GPHN: variants seen among roughly 807,000 people sequenced by gnomAD.
The protein encoded by GPHN is gephyrin.
In GPHN, 17 loss-of-function variants were observed where a neutral mutation model predicts 95.5. The ratio of observed to expected loss-of-function variants is 0.18; its 90% CI spans 0.12 to 0.27. The LOEUF (loss-of-function observed/expected upper bound fraction) is 0.27, where lower values mean the gene tolerates loss of function less well. Ranked by LOEUF, GPHN falls within the 10% of genes least tolerant of loss-of-function variation. The pLI, the probability that GPHN is intolerant of heterozygous loss-of-function variation, is 1.00. For synonymous variants in GPHN, 320 were observed against 322.5 expected, an observed-to-expected ratio of 0.99 and a Z score of 0.08; for missense variants, 660 against 978.1, an observed-to-expected ratio of 0.67 and a Z score of 4.34.
the GPHN span, among the ~76,000 whole-genome samples, chr14:67,230,504 C>G: frequency 6.6e-6 from 1 of 151,788 alleles, no homozygotes; most frequent in Non-Finnish European, 1.5e-5. Context: ...CTCAGGAGGT[C>G]GAGGCTGCAG....
intron 20 of GPHN, among the ~76,000 whole-genome samples, chr14:67,167,675 C>A (rs1175902308): frequency 6.6e-6 from 1 of 152,090 alleles, no homozygotes; most frequent in African/African-American, 2.4e-5. Flanking sequence ...AATCTAGTAG[C>A]CCATTCCCCA....
chr14:66,859,368 G>GGT (rs1366421830), intron 4 of GPHN, among the ~76,000 whole-genome samples: 1 of 152,158 alleles, frequency 6.6e-6, no homozygotes, highest in Non-Finnish European at 1.5e-5. Context: ...GTCTCTGTGT[G>GGT]GTAATACAGA....
chr14:67,137,658 A>G (rs2080176292), intron 17 of GPHN, among the ~76,000 whole-genome samples: 1 of 151,972 alleles, frequency 6.6e-6, no homozygotes, highest in South Asian at 2.1e-4. Context: ...CCAGCTACTC[A>G]GGAGGCTGAG....
chr14:67,179,960 T>C (rs752536957), intron 22 of GPHN, among the ~76,000 whole-genome samples: 2 of 152,248 alleles, frequency 1.3e-5, no homozygotes, highest in Admixed American at 1.3e-4. Context: ...AGATTTGATA[T>C]GTTTGTTCAA....
chr14:67,044,174 T>A (rs2074867396), intron 10 of GPHN, among the ~76,000 whole-genome samples: 1 of 151,990 alleles, frequency 6.6e-6, no homozygotes, highest in Non-Finnish European at 1.5e-5. Flanking sequence ...CCGTCTCTAC[T>A]AAAAATACAA....
At chr14:67,541,610 C>T in the GPHN span, among the ~76,000 whole-genome samples, 1 of 152,168 alleles carries the variant, frequency 6.6e-6, no homozygotes, top group Admixed American at 6.5e-5. Context: ...TCAGGTTTCG[C>T]GGTTTCCTGA....
the GPHN span, chr14:67,316,737 G>T: frequency 1.2e-5 from 11 of 895,884 alleles, no homozygotes; most frequent in Non-Finnish European, 1.9e-5. Flanking sequence ...TATAAGTGAA[G>T]AGATATGTCT....
the GPHN span, among the ~76,000 whole-genome samples, chr14:67,191,430 A>G: frequency 4.6e-5 from 7 of 152,224 alleles, no homozygotes; most frequent in African/African-American, 1.2e-4. Context: ...AGGGGCATGT[A>G]CAGACATCCC....
intron 1 of GPHN, among the ~76,000 whole-genome samples, chr14:66,643,065 C>T (rs1181507408): frequency 6.6e-6 from 1 of 151,948 alleles, no homozygotes; most frequent in Non-Finnish European, 1.5e-5. Flanking sequence ...CAACAAAGGA[C>T]TCATATTCCA....
the GPHN span, among the ~76,000 whole-genome samples, chr14:67,440,239 T>G: frequency 6.6e-6 from 1 of 152,254 alleles, no homozygotes; most frequent in Non-Finnish European, 1.5e-5. Context: ...GTCTGACTTC[T>G]TTGAAGCTGG....
chr14:66,765,295 C>T (rs972566683), intron 2 of GPHN, among the ~76,000 whole-genome samples: 1 of 152,092 alleles, frequency 6.6e-6, no homozygotes. Context: ...ACCATTTGAC[C>T]CAGCAATTCC....
chr14:66,859,632 G>A (rs2062946985), intron 4 of GPHN, among the ~76,000 whole-genome samples: 1 of 152,090 alleles, frequency 6.6e-6, no homozygotes, highest in Non-Finnish European at 1.5e-5. Flanking sequence ...AACTAAATAA[G>A]GCACTAGGGA....
chr14:67,181,527 C>T lies in GPHN; in HGVS notation c.*590C>T, dbSNP rs1201129959. 2.0e-6 allele frequency: 1 copy of T among 504,690 alleles called. No individual in the cohort carries two copies. The highest frequency in any genetic ancestry group is 1.6e-5 in the South Asian group (1 of 62,824). 31.3% of individuals were successfully genotyped at this position (504,690 alleles called of 1,614,324 possible). On this transcript the variant is annotated 3_prime_UTR_variant, in exon 23 of 23. Coordinates refer to ENST00000478722, the MANE Select transcript of GPHN (RefSeq NM_020806.5). ...CCCAATAGCCTCACGGCACAGTACT[C>T]TTGGGCAGTAACTGGACACCTTTTA...
rs1383749851 is a variant in GPHN, at chr14:67,089,131, TTC to T, written c.1237+58_1237+59del. On this transcript the variant is annotated intron_variant, in intron 12 of 22. Transcript: ENST00000478722. ...AGGCACTGTATTTTTTTTTCTTTTTTTCTTTTTTTTTTTTTTTTTTTTTTTTT... is the reference window on the plus strand; with the variant it reads ...AGGCACTGTATTTTTTTTTCTTTTTTTTTTTTTTTTTTTTTTTTTTTTTTT... The T allele has an allele frequency of 3.7e-4, 175 of 469,540 alleles. 4 individuals carry two copies. The highest frequency in any genetic ancestry group is 1.1e-3 in the African/African-American group (8 of 7,004). 29.1% of individuals were successfully genotyped at this position (469,540 alleles called of 1,614,324 possible).
chr14:67,083,953 A>C (rs529133681), intron 11 of GPHN, among the ~76,000 whole-genome samples: 1 of 152,172 alleles, frequency 6.6e-6, no homozygotes, highest in Non-Finnish European at 1.5e-5. Context: ...TGTAGTCATA[A>C]TCATTAATGC....
chr14:67,568,215 C>A, the GPHN span, among the ~76,000 whole-genome samples: 1 of 152,104 alleles, frequency 6.6e-6, no homozygotes, highest in Non-Finnish European at 1.5e-5. Context: ...CAATGGTAGA[C>A]TGGATAAAGA....
At chr14:67,429,341 C>T in the GPHN span, among the ~76,000 whole-genome samples, 4 of 151,692 alleles carry the variant, frequency 2.6e-5, no homozygotes, top group African/African-American at 9.7e-5. Context: ...AGCGATTCTC[C>T]TGTCTCAGCC....
chr14:67,075,644 A>G (rs2076466769), intron 11 of GPHN, among the ~76,000 whole-genome samples: 1 of 152,230 alleles, frequency 6.6e-6, no homozygotes, highest in Non-Finnish European at 1.5e-5. Context: ...TCAAATATCA[A>G]CATTGACAGG....
At position 66,800,156 on chromosome 14, in the gene GPHN, A is replaced by G. The variant is rs118070707; in HGVS notation, c.201+23635A>G. Among the ~76,000 whole-genome samples, 376 of 152,194 alleles carry G rather than the reference A, an allele frequency of 2.5e-3. 1 individual carries two copies. Among genetic ancestry groups the G allele is most frequent in the Non-Finnish European group, 4.0e-3 (270 of 67,958 alleles). On this transcript the variant is annotated intron_variant, in intron 3 of 22. Coordinates refer to ENST00000478722, the MANE Select transcript of GPHN (RefSeq NM_020806.5). Reference sequence around the variant, plus strand: ...GTTTTTTCTATTTATATCTTAATGTACGGACTATGTCTTCAAAAGTTTTTA... The same window carrying G: ...GTTTTTTCTATTTATATCTTAATGTGCGGACTATGTCTTCAAAAGTTTTTA...
Sources: allele counts gnomAD v4.1 joint callset (sites outside exome capture counted in the v4.1 genomes callset), GRCh38; gene constraint gnomAD v4.1.1; transcripts MANE v1.5; gene names NCBI Gene and HGNC (gene_info 2026-07-23, HGNC 2026-07-21).